Variants in CADPS2 observed in about 807,000 individuals in gnomAD.
CADPS2 encodes calcium-dependent secretion activator 2.
A neutral mutation model predicts 172.5 loss-of-function variants in CADPS2; 93 were observed. That is an observed-to-expected ratio of 0.54 (90% CI 0.46 to 0.64). CADPS2 has a LOEUF of 0.64. Ranked by LOEUF, CADPS2 falls within the 30% of genes least tolerant of loss-of-function variation. The pLI is 0.00. For synonymous variants in CADPS2, 546 were observed against 555.2 expected (o/e 0.98, Z 0.23); for missense variants, 1,420 against 1,565.9 (o/e 0.91, Z 1.57).
intron 6 of CADPS2, among the ~76,000 whole-genome samples, chr7:122,593,416 A>G (rs1317434707): frequency 6.6e-6 from 1 of 152,048 alleles, no homozygotes; most frequent in Non-Finnish European, 1.5e-5. Context: ...TACAGACCCA[A>G]GAGACAGATT....
At chr7:122,569,485 C>T (rs1253941912) in intron 7 of CADPS2, among the ~76,000 whole-genome samples, 2 of 150,472 alleles carry the variant, frequency 1.3e-5, no homozygotes, top group South Asian at 4.2e-4. Flanking sequence ...CAATGCCATC[C>T]CCATCAAGCT....
intron 1 of CADPS2, among the ~76,000 whole-genome samples, chr7:122,775,843 C>A (rs904577816): frequency 6.6e-6 from 1 of 152,096 alleles, no homozygotes; most frequent in Non-Finnish European, 1.5e-5. Flanking sequence ...TCACAACTTT[C>A]TTAGGAAGTC....
chr7:122,881,348 T>C (rs1160430767), intron 1 of CADPS2, among the ~76,000 whole-genome samples: 1 of 152,186 alleles, frequency 6.6e-6, no homozygotes, highest in Non-Finnish European at 1.5e-5. Flanking sequence ...GAGTTCTCAT[T>C]AGCACAACTC....
intron 5 of CADPS2, among the ~76,000 whole-genome samples, chr7:122,618,500 G>A (rs767264859): frequency 6.6e-6 from 1 of 152,138 alleles, no homozygotes; most frequent in Non-Finnish European, 1.5e-5. Flanking sequence ...AATAGGGTAT[G>A]GTGGGAGAAG....
intron 2 of CADPS2, among the ~76,000 whole-genome samples, chr7:122,720,847 T>C (rs956953912): frequency 6.6e-5 from 10 of 152,060 alleles, no homozygotes; most frequent in Non-Finnish European, 1.3e-4. Flanking sequence ...TTATTAAATT[T>C]ACCGACATAA....
intron 7 of CADPS2, among the ~76,000 whole-genome samples, chr7:122,562,799 TA>T (rs1237290997): frequency 2.0e-5 from 3 of 152,096 alleles, no homozygotes; most frequent in African/African-American, 7.2e-5. Context: ...ATTCTGCTTG[TA>T]AAAAATATTT....
At chr7:122,761,573 T>C (rs2093379379) in intron 1 of CADPS2, among the ~76,000 whole-genome samples, 1 of 151,810 alleles carries the variant, frequency 6.6e-6, no homozygotes, top group African/African-American at 2.4e-5. Context: ...CTTAGAAGAA[T>C]CAGACCAGCA....
rs141121302 is a variant in CADPS2, at chr7:122,554,829, C to T, written c.1336-140G>A. 4 of 592,392 alleles carry T rather than the reference C, an allele frequency of 6.8e-6. No individual in the cohort carries two copies. In the African/African-American group the frequency reaches 7.7e-5, roughly 11 times the overall value. The allele number at this position is 592,392 out of a possible 1,614,324, so 36.7% of individuals were successfully genotyped here. Reference sequence around the variant, plus strand: ...ATCCAATAAACAATTTGACTCCCTACTACAATAGCTGATGGATTTTCAATA... The same window carrying T: ...ATCCAATAAACAATTTGACTCCCTATTACAATAGCTGATGGATTTTCAATA... On this transcript the variant is annotated intron_variant, in intron 7 of 29. Coordinates refer to ENST00000449022, the MANE Select transcript of CADPS2 (RefSeq NM_017954.11).
intron 7 of CADPS2, among the ~76,000 whole-genome samples, chr7:122,563,587 A>G (rs1215493990): frequency 6.6e-6 from 1 of 152,152 alleles, no homozygotes. Context: ...CTCCTTAATT[A>G]TTTCATAAAT....
At chr7:122,700,794 A>G (rs1217427624) in intron 2 of CADPS2, among the ~76,000 whole-genome samples, 2 of 152,170 alleles carry the variant, frequency 1.3e-5, no homozygotes, top group African/African-American at 4.8e-5. Context: ...ATCTGCTACC[A>G]TAGCTGAGTC....
At chr7:122,787,818 AC>A (rs962131239) in intron 1 of CADPS2, among the ~76,000 whole-genome samples, 9 of 152,196 alleles carry the variant, frequency 5.9e-5, no homozygotes, top group Non-Finnish European at 8.8e-5. Flanking sequence ...ACAAAAGTCC[AC>A]CACATTCAGG....
chr7:122,705,439 T>C (rs1460620370), intron 2 of CADPS2, among the ~76,000 whole-genome samples: 1 of 138,114 alleles, frequency 7.2e-6, no homozygotes, highest in Non-Finnish European at 1.5e-5. Context: ...TAATATGTAA[T>C]ATAATATTAT....
chr7:122,689,403 G>GTT (rs2084036298), intron 2 of CADPS2, among the ~76,000 whole-genome samples: 1 of 152,184 alleles, frequency 6.6e-6, no homozygotes, highest in Non-Finnish European at 1.5e-5. Flanking sequence ...AACAAAAGGA[G>GTT]GGCAACTCAG....
At chr7:122,656,407 G>A (rs1306417123) in intron 3 of CADPS2, among the ~76,000 whole-genome samples, 1 of 152,034 alleles carries the variant, frequency 6.6e-6, no homozygotes, top group African/African-American at 2.4e-5. Context: ...CAGCCCTCTT[G>A]ACTCACGTAC....
chr7:122,598,490 G>A (rs1322407720), intron 6 of CADPS2, among the ~76,000 whole-genome samples: 1 of 152,016 alleles, frequency 6.6e-6, no homozygotes, highest in Non-Finnish European at 1.5e-5. Context: ...ATTTGTGAAG[G>A]GAGATTTGGG....
intron 9 of CADPS2, among the ~76,000 whole-genome samples, chr7:122,500,503 T>A (rs1410649358): frequency 6.6e-6 from 1 of 152,172 alleles, no homozygotes; most frequent in Non-Finnish European, 1.5e-5. Context: ...TGACATTTGA[T>A]TTTTAAATGT....
At chr7:122,784,675 T>C (rs975284404) in intron 1 of CADPS2, among the ~76,000 whole-genome samples, 1 of 152,194 alleles carries the variant, frequency 6.6e-6, no homozygotes, top group African/African-American at 2.4e-5. Context: ...CAGTGCCAGG[T>C]TGGTTCTCAC....
At position 122,839,714 on chromosome 7, in the gene CADPS2, T is replaced by A. The variant is rs188841826; in HGVS notation, c.339+46285A>T. Among the ~76,000 whole-genome samples, 862 of 151,988 alleles carry A rather than the reference T, an allele frequency of 5.7e-3. 10 individuals are homozygous for A. The highest frequency in any genetic ancestry group is 0.02 in the African/African-American group (811 of 41,338). ...CCACTGGTCATCAGAGAAATGCAAA[T>A]CAAAACCACAATGAGATACCATCTC... On this transcript the variant is annotated intron_variant, in intron 1 of 29. Coordinates refer to ENST00000449022, the MANE Select transcript of CADPS2 (RefSeq NM_017954.11).
At chr7:122,336,922 G>A (rs907824425) in intron 28 of CADPS2, among the ~76,000 whole-genome samples, 1 of 152,142 alleles carries the variant, frequency 6.6e-6, no homozygotes, top group Non-Finnish European at 1.5e-5. Context: ...GAAATCTAAA[G>A]AGCATCAGCA....
Sources: gnomAD v4.1 joint callset for allele counts (sites outside exome capture counted in the v4.1 genomes callset) on GRCh38, gnomAD v4.1.1 for gene constraint, MANE v1.5 for transcripts, NCBI Gene and HGNC (gene_info 2026-07-23, HGNC 2026-07-21) for gene names.